Variants in EIF3E observed in about 807,000 individuals in gnomAD.
EIF3E encodes eIF-3 p48.
In EIF3E, 25 loss-of-function variants were observed where a neutral mutation model predicts 59.3. The ratio of observed to expected loss-of-function variants is 0.42; its 90% confidence interval spans 0.31 to 0.59. EIF3E has a LOEUF of 0.59. Ranked by LOEUF, EIF3E falls within the 20% of genes least tolerant of loss-of-function variation. The pLI is 0.15. For synonymous variants in EIF3E, 176 were observed against 170.2 expected (o/e 1.03, Z -0.26); for missense variants, 317 against 534.3 (o/e 0.59, Z 4.01).
intron 4 of EIF3E, 32 bp from the exon 5 acceptor site, chr8:108,235,134 T>C: frequency 7.2e-7 from 1 of 1,392,104 alleles, no homozygotes; most frequent in Non-Finnish European, 9.7e-7. Flanking sequence ...TAAGTTCTCT[T>C]TAATTTAGAG....
chr8:108,242,641 G>A, intron 1 of EIF3E: 1 of 1,159,588 alleles, frequency 8.6e-7, no homozygotes, highest in Non-Finnish European at 1.1e-6. Context: ...GGTGGTCAAA[G>A]GGTATTTAGC....
chr8:108,230,725 CT>C (rs1264877735), intron 5 of EIF3E, among the ~76,000 whole-genome samples: 2 of 152,204 alleles, frequency 1.3e-5, no homozygotes, highest in South Asian at 2.1e-4. Context: ...CATATTCATA[CT>C]AACTTTATTT....
intron 1 of EIF3E, among the ~76,000 whole-genome samples, chr8:108,243,799 A>C (rs1815892940): frequency 3.3e-5 from 5 of 152,138 alleles, no homozygotes; most frequent in Admixed American, 3.3e-4. Flanking sequence ...ATATCTGATA[A>C]AAAATTTACC....
In EIF3E at chr8:108,218,809, A is replaced by G. The variant is rs1815353197; in HGVS notation, c.723-1349T>C. 4.4e-5 allele frequency among the ~76,000 whole-genome samples: 6 copies of G among 135,650 alleles called. No individual in the cohort carries two copies. In the South Asian group the frequency reaches 1.4e-3, roughly 31 times the overall value. 89.0% of individuals were successfully genotyped at this position (135,650 alleles called of 152,430 possible). On this transcript the variant is annotated intron_variant, in intron 7 of 12. Coordinates refer to ENST00000220849, the MANE Select transcript of EIF3E (RefSeq NM_001568.3). Reference sequence around the variant, plus strand: ...TTTTTTTTTTTTTTTTTTGAGACGAAGTCTCACTCTGTCTCCTAGGCTGGA... The same window carrying G: ...TTTTTTTTTTTTTTTTTTGAGACGAGGTCTCACTCTGTCTCCTAGGCTGGA...
At chr8:108,221,825 A>C (rs1349724052) in intron 7 of EIF3E, among the ~76,000 whole-genome samples, 1 of 133,868 alleles carries the variant, frequency 7.5e-6, no homozygotes, top group Non-Finnish European at 1.6e-5. Context: ...CACACACACA[A>C]AGTGGCTGTT....
intron 12 of EIF3E, 86 bp downstream of exon 12, chr8:108,202,897 A>G: frequency 7.1e-7 from 1 of 1,402,040 alleles, no homozygotes; most frequent in African/African-American, 1.4e-5. Context: ...AAAATCAGCT[A>G]CAACTCATCA....
At chr8:108,238,728 C>CA (rs1183044586) in intron 3 of EIF3E, among the ~76,000 whole-genome samples, 1 of 152,028 alleles carries the variant, frequency 6.6e-6, no homozygotes, top group Non-Finnish European at 1.5e-5. Flanking sequence ...TATCTGGTAA[C>CA]ACCTTCACAA....
Position 108,223,768 on chromosome 8 carries a change from T to C in EIF3E, c.722+4499A>G, listed in dbSNP as rs35252012. ...ATGTTACATTTAAAAGTTCAACACT[T>C]TTCAAATGTGTAAATCATCTCCATT... On this transcript the variant is annotated intron_variant, in intron 7 of 12. Coordinates refer to ENST00000220849, the MANE Select transcript of EIF3E (RefSeq NM_001568.3). 2.2e-3 allele frequency among the ~76,000 whole-genome samples: 329 copies of C among 146,756 alleles called. 1 individual carries two copies. Among genetic ancestry groups the C allele is most frequent in the Non-Finnish European group, 3.7e-3 (250 of 68,020 alleles).
At chr8:108,246,661 C>A (rs1199269292) in intron 1 of EIF3E, among the ~76,000 whole-genome samples, 1 of 151,984 alleles carries the variant, frequency 6.6e-6, no homozygotes, top group Non-Finnish European at 1.5e-5. Flanking sequence ...TCCTGACTTC[C>A]CATCCACTTC....
intron 10 of EIF3E, among the ~76,000 whole-genome samples, chr8:108,212,957 G>C (rs1815240230): frequency 6.6e-6 from 1 of 152,078 alleles, no homozygotes; most frequent in South Asian, 2.1e-4. Flanking sequence ...AAAGCCACTA[G>C]GACTTTAGTC....
intron 5 of EIF3E, among the ~76,000 whole-genome samples, chr8:108,232,123 A>G (rs35845532): frequency 0.044 from 6,641 of 152,234 alleles, 253 homozygotes; most frequent in African/African-American, 0.1. Flanking sequence ...AGATTTTTAG[A>G]TTTGCTATTA....
At chr8:108,226,879 G>C (rs192511093) in intron 7 of EIF3E, among the ~76,000 whole-genome samples, 54 of 152,264 alleles carry the variant, frequency 3.5e-4, no homozygotes, top group African/African-American at 1.3e-3. Context: ...GATTTTGGAG[G>C]ATATCAGCCA....
At chr8:108,204,370 T>C (rs1174041861) in intron 10 of EIF3E, among the ~76,000 whole-genome samples, 3 of 151,914 alleles carry the variant, frequency 2.0e-5, no homozygotes, top group Non-Finnish European at 4.4e-5. Context: ...TACTCAGCCA[T>C]GAAAAGGAAG....
rs1271666555 is a variant in EIF3E, at chr8:108,216,402, TCA to T, written c.951+8_951+9del. The T allele has an allele frequency of 6.3e-7, 1 of 1,589,646 alleles. No homozygotes were observed. Among genetic ancestry groups the T allele is most frequent in the African/African-American group, 1.4e-5 (1 of 73,622 alleles). ...ATAGTATTAGTTTATAAATAAAAATTCACACTTACTGATTCACATTCCCTCAG... is the reference window on the plus strand; with the variant it reads ...ATAGTATTAGTTTATAAATAAAAATTCACTTACTGATTCACATTCCCTCAG... On this transcript the variant is annotated splice_region_variant and intron_variant, in intron 9 of 12. Transcript: ENST00000220849.
In EIF3E at chr8:108,234,895, T is replaced by C. The variant is rs565659571; in HGVS notation, c.471+103A>G. On this transcript the variant is annotated intron_variant, in intron 5 of 12. Transcript: ENST00000220849. ...TCTTTTGCCAATGACTGTTGAAAAC[T>C]TAATGAACAGACCCAAATCTATCTA... 2.8e-5 allele frequency: 17 copies of C among 616,710 alleles called. No individual in the cohort carries two copies. In the African/African-American group the frequency reaches 2.9e-4, roughly 11 times the overall value. The allele number at this position is 616,710 out of a possible 1,614,324, so 38.2% of individuals were successfully genotyped here. A position where few individuals can be genotyped will look rare whatever the true frequency, so the allele number is the denominator to read the frequency against.
rs184792062 is a variant in EIF3E at position 108,222,222 on chromosome 8, T to C, written c.723-4762A>G. Among the ~76,000 whole-genome samples the C allele has an allele frequency of 3.9e-5, 6 of 152,272 alleles. No individual in the cohort carries two copies. The East Asian group carries it at 1.2e-3, about 29-fold the overall frequency. On this transcript the variant is annotated intron_variant, in intron 7 of 12. Transcript: ENST00000220849. ...AATGCCCAGCTAATTTCTAAAAAAA[T>C]GTTTTAGAGATAGGTCTCACTATGT...
chr8:108,201,330 G>A lies in EIF3E; in HGVS notation c.*555C>T, dbSNP rs1189387952. 6.7e-6 allele frequency: 1 copy of A among 149,454 alleles called. No individual in the cohort carries two copies. Among genetic ancestry groups the A allele is most frequent in the Non-Finnish European group, 1.5e-5 (1 of 67,584 alleles). The allele number at this position is 149,454 out of a possible 1,614,324, so 9.3% of individuals were successfully genotyped here. On this transcript the variant is annotated 3_prime_UTR_variant, in exon 13 of 13. Coordinates refer to ENST00000220849, the MANE Select transcript of EIF3E (RefSeq NM_001568.3). Reference sequence around the variant, plus strand: ...TGAATGAAAAAAGCTAATCTCAAAGGTTGTGTATTATGTAATTCCATTTAT... The same window carrying A: ...TGAATGAAAAAAGCTAATCTCAAAGATTGTGTATTATGTAATTCCATTTAT...
Position 108,236,180 on chromosome 8 carries a change from T to G in EIF3E, c.347A>C (p.Tyr116Ser). Residue 116 changes from tyrosine (Y) to serine (S), a missense_variant, in exon 4 of 13, where the codon TAC becomes TCC. Physicochemically the swap from Tyr to Ser is moderately radical, Grantham distance 144. Coordinates refer to ENST00000220849, the MANE Select transcript of EIF3E (RefSeq NM_001568.3). ...ACTTACACCATGCTTGTCCGCCAGG[T>G]AGTCAAAGAGCATCCTACCATCCCT... Reference protein sequence around the residue: ...STRDGRMLFDYLADKHGFRQE... With the variant: ...STRDGRMLFDSLADKHGFRQE... 1 of 1,610,616 alleles carries G rather than the reference T, an allele frequency of 6.2e-7. No homozygotes were observed. The highest frequency in any genetic ancestry group is 8.5e-7 in the Non-Finnish European group (1 of 1,178,592).
At chr8:108,223,700 G>A (rs702805) in intron 7 of EIF3E, among the ~76,000 whole-genome samples, 75,883 of 151,178 alleles carry the variant, frequency 0.5, 19,182 homozygotes, top group African/African-American at 0.58. Context: ...GATAGCCTAC[G>A]AACACTGCTC....
Sources: gnomAD v4.1 joint callset for allele counts (sites outside exome capture counted in the v4.1 genomes callset) on GRCh38, gnomAD v4.1.1 for gene constraint, MANE v1.5 for transcripts, NCBI Gene and HGNC (gene_info 2026-07-23, HGNC 2026-07-21) for gene names.